The following CPO variants were observed in gnomAD, a reference collection of about 807,000 sequenced individuals.
CPO encodes metallocarboxypeptidase C.
CPO carries 43 observed loss-of-function variants against 41.2 expected under a neutral mutation model. The observed-to-expected ratio is 1.04, with a 90% CI of 0.82 to 1.35. CPO has a LOEUF of 1.35. Among genes scored for constraint, CPO ranks in the 40% most tolerant of loss-of-function variants. CPO has a pLI of 0.00. For synonymous variants in CPO, 178 were observed against 162.7 expected (o/e 1.09, Z -0.72); for missense variants, 408 against 451.7 (o/e 0.90, Z 0.88).
intron 7 of CPO, among the ~76,000 whole-genome samples, chr2:206,967,331 C>CTA (rs200615925): frequency 0.053 from 6,241 of 118,378 alleles, 151 homozygotes; most frequent in African/African-American, 0.074. Context: ...CTCTGAAATG[C>CTA]TATATATATA....
At chr2:206,947,102 C>T (rs529882546) in intron 1 of CPO, among the ~76,000 whole-genome samples, 23 of 151,938 alleles carry the variant, frequency 1.5e-4, no homozygotes, top group South Asian at 6.2e-4. Flanking sequence ...AGTGAAAGAC[C>T]GAAAATATTC....
At chr2:206,959,406 G>A (rs1693436358) in intron 4 of CPO, among the ~76,000 whole-genome samples, 1 of 152,266 alleles carries the variant, frequency 6.6e-6, no homozygotes, top group African/African-American at 2.4e-5. Context: ...ATGGGGTAAG[G>A]GAGAGTGGAT....
chr2:206,967,062 G>T (rs539295306), intron 7 of CPO, among the ~76,000 whole-genome samples: 24 of 152,188 alleles, frequency 1.6e-4, no homozygotes, highest in African/African-American at 5.5e-4. Flanking sequence ...AGCCCTGAGG[G>T]GTAAGGCTTT....
Position 206,957,205 on chromosome 2 carries a change from G to A in CPO, c.268-1096G>A, listed in dbSNP as rs1034242329. ...ATCCTAGCTAACACGGTAAAACCCC[G>A]TCTCTACTAAAAATAAATACATTAG... On this transcript the variant is annotated intron_variant, in intron 3 of 8. Coordinates refer to ENST00000272852, the MANE Select transcript of CPO (RefSeq NM_173077.3). 4.6e-5 allele frequency among the ~76,000 whole-genome samples: 7 copies of A among 151,818 alleles called. No homozygotes were observed. In the East Asian group the frequency reaches 5.8e-4, roughly 13 times the overall value.
intron 1 of CPO, among the ~76,000 whole-genome samples, chr2:206,946,443 A>T (rs1005391131): frequency 6.6e-6 from 1 of 152,182 alleles, no homozygotes; most frequent in Non-Finnish European, 1.5e-5. Flanking sequence ...ATTTGTGATT[A>T]AAAAGGTAGT....
chr2:206,969,057 C>T, intron 8 of CPO, 117 bp from the exon 9 acceptor site: 1 of 1,070,552 alleles, frequency 9.3e-7, no homozygotes, highest in South Asian at 1.5e-5. Context: ...TTCTGAGACC[C>T]TGATCTAAAA....
At chr2:206,963,306 G>T (rs1454556556) in intron 7 of CPO, among the ~76,000 whole-genome samples, 1 of 152,188 alleles carries the variant, frequency 6.6e-6, no homozygotes, top group African/African-American at 2.4e-5. Flanking sequence ...ATTGCAAATT[G>T]TAATATTTGT....
chr2:206,966,050 A>T (rs999978857), intron 7 of CPO, among the ~76,000 whole-genome samples: 1 of 152,194 alleles, frequency 6.6e-6, no homozygotes, highest in Non-Finnish European at 1.5e-5. Flanking sequence ...CTGCTTCCGC[A>T]TAGTAATTCC....
intron 4 of CPO, 116 bp downstream of exon 4, chr2:206,958,521 G>A: frequency 1.8e-6 from 1 of 557,238 alleles, no homozygotes; most frequent in Non-Finnish European, 3.2e-6. Context: ...TCTTTACTGT[G>A]CTAATCCTTC....
chr2:206,949,561 C>A lies in CPO; in HGVS notation c.69-56C>A, dbSNP rs1693210650. 2.3e-6 allele frequency: 3 copies of A among 1,298,528 alleles called. 1 individual carries two copies. In the South Asian group the frequency reaches 3.6e-5, roughly 15 times the overall value. The allele number at this position is 1,298,528 out of a possible 1,614,324, so 80.4% of individuals were successfully genotyped here. ...CTACCTTTTTCAACAACCCGCCAAC[C>A]CTCAGGATATCCCAGTTTCACCACT... On this transcript the variant is annotated intron_variant, in intron 1 of 8. Coordinates refer to ENST00000272852, the MANE Select transcript of CPO (RefSeq NM_173077.3).
intron 1 of CPO, 36 bp from the exon 2 acceptor site, chr2:206,949,581 A>G: frequency 1.3e-6 from 2 of 1,499,006 alleles, no homozygotes; most frequent in Non-Finnish European, 1.9e-6. Context: ...TCCCAGTTTC[A>G]CCACTGCTTT....
At chr2:206,941,517 TA>T (rs1480680041) in intron 1 of CPO, among the ~76,000 whole-genome samples, 1 of 152,086 alleles carries the variant, frequency 6.6e-6, no homozygotes, top group African/African-American at 2.4e-5. Flanking sequence ...AACTTTAATT[TA>T]AAAAATTAGA....
At chr2:206,968,798 T>A (rs1693630491) in intron 8 of CPO, among the ~76,000 whole-genome samples, 1 of 152,224 alleles carries the variant, frequency 6.6e-6, no homozygotes, top group Non-Finnish European at 1.5e-5. Flanking sequence ...TGAGCCCCCC[T>A]CTAAATACCT....
In CPO at chr2:206,956,837, G is replaced by T. The variant is rs182403473; in HGVS notation, c.267+1273G>T. On this transcript the variant is annotated intron_variant, in intron 3 of 8. Coordinates refer to ENST00000272852, the MANE Select transcript of CPO (RefSeq NM_173077.3). ...TAACTACAACTCTTAAAAAATTATT[G>T]GCTCTGAAATGGAATTTACCCAGGG... is the stretch of plus-strand genomic sequence containing the variant. Among the ~76,000 whole-genome samples, 4 of 152,172 alleles carry T rather than the reference G, an allele frequency of 2.6e-5. No individual in the cohort carries two copies. In the East Asian group the frequency reaches 7.7e-4, roughly 29 times the overall value.
intron 1 of CPO, among the ~76,000 whole-genome samples, chr2:206,943,324 G>A (rs994218006): frequency 1.3e-5 from 2 of 152,144 alleles, no homozygotes; most frequent in Admixed American, 1.3e-4. Flanking sequence ...GGGCCAAACA[G>A]CCAGTGTGAG....
chr2:206,952,109 C>T (rs1033489783), intron 2 of CPO, among the ~76,000 whole-genome samples: 1 of 129,920 alleles, frequency 7.7e-6, no homozygotes, highest in African/African-American at 3.1e-5. Flanking sequence ...TATTTGTTAT[C>T]CCTCAATTAA....
At position 206,943,787 on chromosome 2, in the gene CPO, A is replaced by C. The variant is rs191744674; in HGVS notation, c.68+4120A>C. Among the ~76,000 whole-genome samples the C allele has an allele frequency of 1.3e-3, 178 of 134,210 alleles. 1 individual carries two copies. Among genetic ancestry groups the C allele is most frequent in the Admixed American group, 3.6e-3 (48 of 13,502 alleles). 88.0% of individuals were successfully genotyped at this position (134,210 alleles called of 152,430 possible). A position where few individuals can be genotyped will look rare whatever the true frequency, so the allele number is the denominator to read the frequency against. On this transcript the variant is annotated intron_variant, in intron 1 of 8. Coordinates refer to ENST00000272852, the MANE Select transcript of CPO (RefSeq NM_173077.3). Reference sequence around the variant, plus strand: ...ATAGATAGATAGATAGATGATAAGCAGATAGATGGACAGACATGATATAGA... The same window carrying C: ...ATAGATAGATAGATAGATGATAAGCCGATAGATGGACAGACATGATATAGA...
intron 1 of CPO, among the ~76,000 whole-genome samples, chr2:206,941,156 G>A (rs1475959994): frequency 6.6e-6 from 1 of 151,880 alleles, no homozygotes; most frequent in Non-Finnish European, 1.5e-5. Context: ...ACTAAAGTCT[G>A]AAAGAGTTTT....
intron 1 of CPO, among the ~76,000 whole-genome samples, chr2:206,941,627 C>T (rs1004874602): frequency 6.6e-5 from 10 of 152,012 alleles, no homozygotes; most frequent in South Asian, 2.1e-4. Flanking sequence ...TGCACTTGAC[C>T]GTGCTTGTCT....
Sources: gnomAD v4.1 joint callset for allele counts (sites outside exome capture counted in the v4.1 genomes callset) on GRCh38, gnomAD v4.1.1 for gene constraint, MANE v1.5 for transcripts, NCBI Gene and HGNC (gene_info 2026-07-23, HGNC 2026-07-21) for gene names.